The following ERN2 variants were observed in gnomAD, a reference collection of about 807,000 sequenced individuals.
The protein encoded by ERN2 is endoplasmic reticulum to nucleus signaling 2, also known as serine/threonine-protein kinase/endoribonuclease IRE2.
Under a neutral mutation model 107.9 loss-of-function variants are expected in ERN2, and 111 were observed. The observed-to-expected ratio is 1.03, with a 90% CI of 0.88 to 1.20. The LOEUF is 1.20. Among genes scored for constraint, ERN2 ranks in the 50% most tolerant of loss-of-function variants. The pLI is 0.00. For missense variants in ERN2, 1,225 were observed against 1,197.9 expected (o/e 1.02, Z -0.33); for synonymous variants, 524 against 501.7 (o/e 1.04, Z -0.59).
intron 11 of ERN2, among the ~76,000 whole-genome samples, chr16:23,701,612 T>G (rs1960066780): frequency 1.3e-5 from 2 of 151,954 alleles, no homozygotes; most frequent in Admixed American, 6.6e-5. Flanking sequence ...ATGTGACCTA[T>G]GTTTCATGAT....
rs751819262 is a variant in ERN2, at chr16:23,704,928, G to T, written c.809C>A (p.Pro270His). The T allele has an allele frequency of 2.2e-5, 35 of 1,613,482 alleles. No individual in the cohort carries two copies. The highest frequency in any genetic ancestry group is 3.0e-5 in the Non-Finnish European group (35 of 1,180,022). Reference sequence around the variant, plus strand: ...AGAGAAGAGGGTGGCTGTGTCCCGGGGGCCTGAGGCAGGCAGTCGGATGTG... The same window carrying T: ...AGAGAAGAGGGTGGCTGTGTCCCGGTGGCCTGAGGCAGGCAGTCGGATGTG... ...WGHIRLPASG[P>H]RDTATLFSTL... Residue 270 changes from proline (P) to histidine (H), a missense_variant, in exon 8 of 22, where the codon CCC becomes CAC. Physicochemically the swap from Pro to His is moderately conservative, Grantham distance 77. Transcript: ENST00000256797.
Position 23,700,637 on chromosome 16 carries a change from G to A in ERN2, c.1427C>T (p.Ser476Phe). The change falls in exon 13 of 22, where the codon TCC (serine) becomes TTC (phenylalanine). Residue 476 changes from serine to phenylalanine, a missense_variant. Ser to Phe is a radical substitution (Grantham distance 155). Coordinates refer to ENST00000256797, the MANE Select transcript of ERN2 (RefSeq NM_033266.4). ...CGAGTGCAGGGACTGGGCATCCTGG[G>A]AGATGTGAGCAAAGTCTGCAGGTGC... ...PLAPADFAHI[S>F]QDAQSLHSGA... 3.7e-6 allele frequency: 6 copies of A among 1,614,158 alleles called. No homozygotes were observed. Among genetic ancestry groups the A allele is most frequent in the Non-Finnish European group, 5.1e-6 (6 of 1,180,034 alleles).
In ERN2 at chr16:23,700,542, C is replaced by T. The variant is rs2141012453; in HGVS notation, c.1522G>A (p.Glu508Lys). 1.2e-6 allele frequency: 2 copies of T among 1,611,664 alleles called. No individual in the cohort carries two copies. Among genetic ancestry groups the T allele is most frequent in the Non-Finnish European group, 1.7e-6 (2 of 1,178,812 alleles). ...SKQAQPLDDP[E>K]AEQLTVVGKI... Reference sequence around the variant, plus strand: ...TGTCTTGTTCACACAGGCTCACCTTCAGGGTCGTCGAGTGGCTGGGCTTGC... The same window carrying T: ...TGTCTTGTTCACACAGGCTCACCTTTAGGGTCGTCGAGTGGCTGGGCTTGC... Residue 508 changes from glutamate (E) to lysine (K), a missense_variant, in exon 13 of 22, where the codon GAA becomes AAA. Glu to Lys is a moderately conservative substitution (Grantham distance 56, BLOSUM62 1). Coordinates refer to ENST00000256797, the MANE Select transcript of ERN2 (RefSeq NM_033266.4).
intron 7 of ERN2, 115 bp from the exon 8 acceptor site, chr16:23,705,262 C>G: frequency 8.6e-7 from 1 of 1,161,562 alleles, no homozygotes; most frequent in South Asian, 1.5e-5. Context: ...GGAGGGTTAT[C>G]TGGACATGAG....
At chr16:23,701,638 C>CTT (rs61424406) in intron 11 of ERN2, among the ~76,000 whole-genome samples, 7 of 137,974 alleles carry the variant, frequency 5.1e-5, no homozygotes, top group Non-Finnish European at 9.5e-5. Flanking sequence ...TAGTCAATGT[C>CTT]TTTTTTTTTT....
rs560974006 is a variant in ERN2, at chr16:23,707,087, A to G, written c.307-8T>C. 4 of 1,612,076 alleles carry G rather than the reference A, an allele frequency of 2.5e-6. No individual in the cohort carries two copies. Among genetic ancestry groups the G allele is most frequent in the Middle Eastern group, 1.7e-4 (1 of 6,060 alleles). On this transcript the variant is annotated splice_polypyrimidine_tract_variant and splice_region_variant and intron_variant, in intron 4 of 21. Coordinates refer to ENST00000256797, the MANE Select transcript of ERN2 (RefSeq NM_033266.4). ...GATGGTGAATGGCAGTTTCTAGGAGACGGAAAATTTACAGGAAGGAGTAAG... is the reference window on the plus strand; with the variant it reads ...GATGGTGAATGGCAGTTTCTAGGAGGCGGAAAATTTACAGGAAGGAGTAAG...
rs1287500927 is a variant in ERN2, at chr16:23,692,007, G to A, written c.2332C>T (p.His778Tyr). Residue 778 changes from histidine (H) to tyrosine (Y), a missense_variant, in exon 19 of 22, where the codon CAC becomes TAC. Physicochemically the swap from His to Tyr is moderately conservative, Grantham distance 83. Transcript: ENST00000256797. Reference sequence around the variant, plus strand: ...TTGGCTCTGCTCCAAAAGAAGGGGTGGGCCAGCACCTGGGGGGCAGAGGGG... The same window carrying A: ...TTGGCTCTGCTCCAAAAGAAGGGGTAGGCCAGCACCTGGGGGGCAGAGGGG... ...PRPSAPQVLA[H>Y]PFFWSRAKQL... is the part of the protein sequence containing the mutation. 1 of 1,613,730 alleles carries A rather than the reference G, an allele frequency of 6.2e-7. No homozygotes were observed. Among genetic ancestry groups the A allele is most frequent in the South Asian group, 1.1e-5 (1 of 91,044 alleles).
At position 23,701,242 on chromosome 16, in the gene ERN2, C is replaced by T. The variant is rs111693407; in HGVS notation, c.1204-128G>A. 1,458 of 910,340 alleles carry T rather than the reference C, an allele frequency of 1.6e-3. 19 individuals carry two copies. The African/African-American group carries it at 0.021, about 13-fold the overall frequency. The allele number at this position is 910,340 out of a possible 1,614,324, so 56.4% of individuals were successfully genotyped here. A position where few individuals can be genotyped will look rare whatever the true frequency, so the allele number is the denominator to read the frequency against. On this transcript the variant is annotated intron_variant, in intron 11 of 21. Transcript: ENST00000256797. ...TGAGTGGTCTGTGTATGGTGGGAAA[C>T]GTGGCACTCTCCACAGTGCTGAAAC...
At chr16:23,701,199 G>A in intron 11 of ERN2, 85 bp from the exon 12 acceptor site, 1 of 1,447,340 alleles carries the variant, frequency 6.9e-7, no homozygotes, top group African/African-American at 1.4e-5. Flanking sequence ...ACAGAGCTGG[G>A]CTTAGCTGAA....
chr16:23,691,541 G>T, intron 19 of ERN2, 116 bp from the exon 20 acceptor site: 3 of 1,257,916 alleles, frequency 2.4e-6, no homozygotes, highest in Non-Finnish European at 3.3e-6. Flanking sequence ...GCCTCTGGGG[G>T]CGTGAAGCTT....
rs1597138522 is a variant in ERN2, at chr16:23,690,557, T to G, written c.*274A>C. 1.0e-5 allele frequency: 5 copies of G among 498,630 alleles called. No individual in the cohort carries two copies. Among genetic ancestry groups the G allele is most frequent in the Non-Finnish European group, 1.8e-5 (5 of 273,434 alleles). The allele number at this position is 498,630 out of a possible 1,614,324, so 30.9% of individuals were successfully genotyped here. On this transcript the variant is annotated 3_prime_UTR_variant, in exon 22 of 22. Transcript: ENST00000256797. ...GCAGCCTCGAACTCCTGGGCTCAAG[T>G]GATTCTCCCACCTCAGCCTCCCAAG... is the stretch of plus-strand genomic sequence containing the variant.
chr16:23,713,206 C>G lies in ERN2; in HGVS notation c.-19G>C. ...TCGCCATAGCGCCTGGGCAGCTGCA[C>G]GGCTGGCCAGGTCCCTGGGTGCCTC... On this transcript the variant is annotated 5_prime_UTR_variant, in exon 1 of 22. Coordinates refer to ENST00000256797, the MANE Select transcript of ERN2 (RefSeq NM_033266.4). 2.5e-6 allele frequency: 4 copies of G among 1,579,322 alleles called. No individual in the cohort carries two copies. The highest frequency in any genetic ancestry group is 3.4e-6 in the Non-Finnish European group (4 of 1,169,728).
intron 9 of ERN2, 33 bp from the exon 10 acceptor site, chr16:23,702,570 G>A: frequency 3.1e-6 from 5 of 1,614,012 alleles, no homozygotes; most frequent in Non-Finnish European, 4.2e-6. Flanking sequence ...ATGAGTGAGG[G>A]AGGTTCTTCT....
rs756012629 is a variant in ERN2 at position 23,691,012 on chromosome 16, AC to A, written c.2599del (p.Val867CysfsTer31). Reference sequence around the variant, plus strand: ...AGGGACTTGGCCGAGTGCCTGTCGCACCTCAACTGGGAGCTCCCTGTAGTGG... The same window carrying A: ...AGGGACTTGGCCGAGTGCCTGTCGCACTCAACTGGGAGCTCCCTGTAGTGG... Reference protein sequence around the residue: ...KHHYRELPVEVRQALGQVPDG... With the variant: ...KHHYRELPVEXRQALGQVPDG... On this transcript the variant is annotated frameshift_variant, in exon 22 of 22. Coordinates refer to ENST00000256797, the MANE Select transcript of ERN2 (RefSeq NM_033266.4). LOFTEE classifies it low-confidence loss of function (END_TRUNC). 10 of 1,614,120 alleles carry A rather than the reference AC, an allele frequency of 6.2e-6. No individual in the cohort carries two copies. The East Asian group carries it at 2.2e-4, about 36-fold the overall frequency.
intron 6 of ERN2, 128 bp from the exon 7 acceptor site, chr16:23,706,559 C>A: frequency 1.3e-6 from 1 of 782,834 alleles, no homozygotes; most frequent in South Asian, 1.7e-5. Flanking sequence ...AGCCTGTGAA[C>A]ATCACAGTGG....
intron 8 of ERN2, among the ~76,000 whole-genome samples, chr16:23,704,201 T>C (rs1345019246): frequency 6.6e-6 from 1 of 152,078 alleles, no homozygotes; most frequent in Admixed American, 6.6e-5. Flanking sequence ...TTAAATAAGG[T>C]TGTTATTTAA....
chr16:23,711,085 A>C (rs1960522951), intron 1 of ERN2, 67 bp from the exon 2 acceptor site: 1 of 1,106,846 alleles, frequency 9.0e-7, no homozygotes, highest in Non-Finnish European at 1.4e-6. Flanking sequence ...TCCTGTCCCA[A>C]GCAGGGCTGG....
At chr16:23,704,248 C>T (rs941326908) in intron 8 of ERN2, among the ~76,000 whole-genome samples, 1 of 152,196 alleles carries the variant, frequency 6.6e-6, no homozygotes, top group Non-Finnish European at 1.5e-5. Context: ...CACCTACCAA[C>T]CAGAACAGGT....
intron 11 of ERN2, 119 bp downstream of exon 11, chr16:23,702,033 G>T: frequency 9.9e-7 from 1 of 1,013,672 alleles, no homozygotes; most frequent in African/African-American, 1.6e-5. Flanking sequence ...GAAATTGTGT[G>T]AGGTCAATTG....
Sources: gnomAD v4.1 joint callset for allele counts (sites outside exome capture counted in the v4.1 genomes callset) on GRCh38, gnomAD v4.1.1 for gene constraint, MANE v1.5 for transcripts, NCBI Gene and HGNC (gene_info 2026-07-23, HGNC 2026-07-21) for gene names.